The following SSBP4 variants were observed in gnomAD, a reference collection of about 807,000 sequenced individuals.
The protein encoded by SSBP4 is single stranded DNA binding protein 4, also known as single-stranded DNA-binding protein 4.
SSBP4 carries 33 observed loss-of-function variants against 64.6 expected under a neutral mutation model. The observed-to-expected ratio is 0.51, with a 90% CI of 0.39 to 0.68. SSBP4 has a LOEUF of 0.68. Ranked by LOEUF, SSBP4 falls within the 30% of genes least tolerant of loss-of-function variation. The pLI is 0.00. For synonymous variants in SSBP4, 243 were observed against 224.0 expected, an observed-to-expected ratio of 1.08 and a Z score of -0.76; for missense variants, 583 against 566.8, an observed-to-expected ratio of 1.03 and a Z score of -0.29.
intron 6 of SSBP4, 54 bp from the exon 7 acceptor site, chr19:18,431,593 G>A (rs1293100995): frequency 6.6e-7 from 1 of 1,515,862 alleles, no homozygotes; most frequent in African/African-American, 1.4e-5. Flanking sequence ...GAATGGGGTA[G>A]CTTTGGGGAC....
chr19:18,428,056 T>TGGGCGTGGGGCTGGGGTGGTGGGGG, intron 4 of SSBP4, 74 bp downstream of exon 4: 1 of 444,262 alleles, frequency 2.3e-6, no homozygotes, highest in Non-Finnish European at 3.7e-6. Context: ...GGAGGTGGGG[T>TGGGCGTGGGGCTGGGGTGGTGGGGG]GGGGGGCTGC....
rs773213088 is a variant in SSBP4, at chr19:18,432,017, G to A, written c.583G>A (p.Gly195Ser). The A allele has an allele frequency of 3.8e-6, 6 of 1,569,512 alleles. No homozygotes were observed. Among genetic ancestry groups the A allele is most frequent in the South Asian group, 2.3e-5 (2 of 85,624 alleles). ...CACCCCAGGGCATCCGAGCATGGGC[G>A]GCCCAATGCAGAGGGTGACGCCTCC... Reference protein sequence around the residue: ...PRAQGHPSMGGPMQRVTPPRG... With the variant: ...PRAQGHPSMGSPMQRVTPPRG... Residue 195 changes from glycine to serine, a missense_variant, in exon 9 of 18, where the codon GGC becomes AGC. By Grantham distance (56) the Gly-to-Ser change is moderately conservative. Coordinates refer to ENST00000270061, the MANE Select transcript of SSBP4 (RefSeq NM_032627.5).
rs1398741743 is a variant in SSBP4, at chr19:18,433,752, A to G, written c.1063A>G (p.Thr355Ala). 4.9e-6 allele frequency: 7 copies of G among 1,415,660 alleles called. No homozygotes were observed. Among genetic ancestry groups the G allele is most frequent in the Admixed American group, 3.0e-5 (1 of 33,066 alleles). The allele number at this position is 1,415,660 out of a possible 1,614,324, so 87.7% of individuals were successfully genotyped here. ...GGCCGGCCTGAGCAACGCCCCGGGC[A>G]CCCCGCGGGACGACGGCGAGATGGC... ...AVAGLSNAPGTPRDDGEMAAA... is the reference protein window; with the variant it reads ...AVAGLSNAPGAPRDDGEMAAA... Residue 355 changes from threonine (T) to alanine (A), a missense_variant, in exon 17 of 18, where the codon ACC (threonine) becomes GCC (alanine). By Grantham distance (58) the Thr-to-Ala change is moderately conservative (BLOSUM62 0). This residue lies in a region of SSBP4 where 31 missense variants were observed against 58.5 expected (regional missense o/e 0.53). Coordinates refer to ENST00000270061, the MANE Select transcript of SSBP4 (RefSeq NM_032627.5).
Position 18,426,889 on chromosome 19 carries a change from T to C in SSBP4, c.60-462T>C, listed in dbSNP as rs755195997. ...GGGCATCTCTTCCCCAAGGAAGAGA[T>C]GGGGTCCAGGGACTGCAGGGGATGT... On this transcript the variant is annotated intron_variant, in intron 1 of 17. Transcript: ENST00000270061. This position sits in a 1 kb window ranked among gnomAD's most constrained non-coding sequence, Gnocchi z 4.5. Among the ~76,000 whole-genome samples the C allele has an allele frequency of 6.6e-6, 1 of 152,078 alleles. No individual in the cohort carries two copies. The highest frequency in any genetic ancestry group is 1.5e-5 in the Non-Finnish European group (1 of 67,980).
chr19:18,410,127 G>A, the SSBP4 span, among the ~76,000 whole-genome samples: 3 of 152,210 alleles, frequency 2.0e-5, no homozygotes, highest in Admixed American at 6.5e-5. Flanking sequence ...CAGAGTAGCC[G>A]AGACTACAGG....
chr19:18,407,833 C>T, the SSBP4 span, among the ~76,000 whole-genome samples: 1 of 152,138 alleles, frequency 6.6e-6, no homozygotes, highest in African/African-American at 2.4e-5. Flanking sequence ...ACCTGCACCT[C>T]CTCGGCTCAA....
rs571859152 is a variant in SSBP4 at position 18,428,057 on chromosome 19, G to C, written c.279+75G>C. On this transcript the variant is annotated intron_variant, in intron 4 of 17. Transcript: ENST00000270061. ...GGGCCTGTGGCTGGGGAGGTGGGGT[G>C]GGGGGCTGCACAGCCAGAGGAGGGC... 8 of 1,414,600 alleles carry C rather than the reference G, an allele frequency of 5.7e-6. No individual in the cohort carries two copies. The African/African-American group carries it at 9.9e-5, about 17-fold the overall frequency. 87.6% of individuals were successfully genotyped at this position (1,414,600 alleles called of 1,614,324 possible).
At chr19:18,418,129 C>T (rs146830640), upstream of SSBP4, among the ~76,000 whole-genome samples, 1 of 152,320 alleles carries the variant, frequency 6.6e-6, no homozygotes, top group Non-Finnish European at 1.5e-5. The surrounding 1 kb of genome is among the most constrained non-coding windows in gnomAD (Gnocchi z 6.7). Flanking sequence ...ACAACTGCCA[C>T]CGCGCAGCCA....
chr19:18,427,300 G>A lies in SSBP4; in HGVS notation c.60-51G>A, dbSNP rs927720156. On this transcript the variant is annotated intron_variant, in intron 1 of 17. Transcript: ENST00000270061. The surrounding 1 kb of genome is among the most constrained non-coding windows in gnomAD (Gnocchi z 4.4). ...CTGAGAGATGGAGGGGCTTTGGGGT[G>A]GGCCCTTGCCTTGGAGAGTCTGAGC... 2.5e-6 allele frequency: 4 copies of A among 1,587,716 alleles called. No homozygotes were observed. The African/African-American group carries it at 5.4e-5, about 21-fold the overall frequency.
chr19:18,432,085 C>G lies in SSBP4; in HGVS notation c.636+15C>G. ...TGGGGCCCCAGGTAAGAGTGGAGCC[C>G]TGGTGGGTGGGGCCTTCGGGCTGTC... On this transcript the variant is annotated intron_variant, in intron 9 of 17. Transcript: ENST00000270061. 1 of 1,600,088 alleles carries G rather than the reference C, an allele frequency of 6.2e-7. No homozygotes were observed. The highest frequency in any genetic ancestry group is 2.2e-5 in the East Asian group (1 of 44,552).
chr19:18,404,332 G>A, the SSBP4 span, among the ~76,000 whole-genome samples: 2 of 152,012 alleles, frequency 1.3e-5, no homozygotes, highest in South Asian at 2.1e-4. Flanking sequence ...GGTGGCTGAC[G>A]CCTGTAATCC....
At chr19:18,415,920 C>A (rs1240052668), upstream of SSBP4, among the ~76,000 whole-genome samples, 1 of 152,142 alleles carries the variant, frequency 6.6e-6, no homozygotes, top group Non-Finnish European at 1.5e-5. Flanking sequence ...GAAGCAGAGA[C>A]CCAGCCGAGG....
chr19:18,421,522 G>C (rs1040919791), intron 1 of SSBP4, among the ~76,000 whole-genome samples: 5 of 152,178 alleles, frequency 3.3e-5, no homozygotes, highest in Admixed American at 2.6e-4. Context: ...GGGAAGGCAG[G>C]CTCCGGTCGG....
In SSBP4 at chr19:18,431,382, C is replaced by T; in HGVS notation, c.399C>T (p.His133=). The change falls in exon 6 of 18, where the codon CAC becomes CAT. Residue 133 remains histidine (H), a synonymous_variant. Transcript: ENST00000270061. ...CCCCCGGCTCCCAGCCGTCCCCCCA[C>T]AACCCCAACGCCCCCATGATGGGGC... is the stretch of plus-strand genomic sequence containing the variant. The part of the protein sequence containing the change: ...QGPPGSQPSP[H]NPNAPMMGPH... The T allele has an allele frequency of 1.4e-6, 2 of 1,454,254 alleles. No homozygotes were observed. The highest frequency in any genetic ancestry group is 2.4e-5 in the Admixed American group (1 of 41,548). The allele number at this position is 1,454,254 out of a possible 1,614,324, so 90.1% of individuals were successfully genotyped here.
At chr19:18,433,333 C>A in intron 15 of SSBP4, 120 bp downstream of exon 15, 1 of 1,372,904 alleles carries the variant, frequency 7.3e-7, no homozygotes, top group Non-Finnish European at 9.8e-7. Context: ...CCTGAGCCCC[C>A]CGGGGGCCGC....
chr19:18,406,869 C>T, the SSBP4 span, among the ~76,000 whole-genome samples: 197 of 152,032 alleles, frequency 1.3e-3, no homozygotes, highest in Non-Finnish European at 2.1e-3. Context: ...CTTAAAGGAA[C>T]GGCTGGAAGG....
intron 15 of SSBP4, 180 bp downstream of exon 15, chr19:18,433,393 A>G (rs1973650308): frequency 7.9e-6 from 10 of 1,265,932 alleles, no homozygotes; most frequent in Non-Finnish European, 1.1e-5. Context: ...CGACCAAACC[A>G]GAGGATGCAC....
rs763402111 is a variant in SSBP4, at chr19:18,427,381, G to A, written c.90G>A (p.Leu30=). ...KLALYVYEYL[L]HIGAQKSAQT... Reference sequence around the variant, plus strand: ...CGCTGTACGTTTATGAGTACCTGCTGCACATCGGTGCCCAGAAGTCAGCCC... The same window carrying A: ...CGCTGTACGTTTATGAGTACCTGCTACACATCGGTGCCCAGAAGTCAGCCC... The change falls in exon 2 of 18, where the codon CTG becomes CTA. Residue 30 remains leucine, a synonymous_variant. Transcript: ENST00000270061. This position sits in a 1 kb window ranked among gnomAD's most constrained non-coding sequence, Gnocchi z 4.4. 9.3e-6 allele frequency: 15 copies of A among 1,610,922 alleles called. No individual in the cohort carries two copies. The Admixed American group carries it at 1.7e-4, about 18-fold the overall frequency.
upstream of SSBP4, among the ~76,000 whole-genome samples, chr19:18,417,451 G>C (rs1972159871): frequency 6.6e-6 from 1 of 152,186 alleles, no homozygotes; most frequent in Non-Finnish European, 1.5e-5. This position sits in a 1 kb window ranked among gnomAD's most constrained non-coding sequence, Gnocchi z 5.4. Flanking sequence ...GCCGGGCCCG[G>C]GAGTGCCGGT....
Sources: allele counts gnomAD v4.1 joint callset (sites outside exome capture counted in the v4.1 genomes callset), GRCh38; gene constraint gnomAD v4.1.1; regional missense constraint gnomAD v4.1.1; non-coding constraint Gnocchi (gnomAD v3.1); transcripts MANE v1.5; gene names NCBI Gene and HGNC (gene_info 2026-07-23, HGNC 2026-07-21).